Variants in NRXN3 observed in about 807,000 individuals in gnomAD.
The protein encoded by NRXN3 is neurexin III.
In NRXN3, 32 loss-of-function variants were observed where a neutral mutation model predicts 137.6. The ratio of observed to expected loss-of-function variants is 0.23; its 90% CI spans 0.18 to 0.31. NRXN3 has a LOEUF of 0.31. Among genes scored for constraint, NRXN3 ranks in the 10% least tolerant of loss-of-function variants. The probability of loss-of-function intolerance (pLI) is 1.00; values close to 1 mark genes in which losing one functional copy is unlikely to be tolerated. For missense variants in NRXN3, 1,574 were observed against 2,062.5 expected, an observed-to-expected ratio of 0.76 and a Z score of 4.59; for synonymous variants, 798 against 784.5, an observed-to-expected ratio of 1.02 and a Z score of -0.29.
chr14:78,731,741 T>C (rs569315380), intron 8 of NRXN3, among the ~76,000 whole-genome samples: 1 of 151,876 alleles, frequency 6.6e-6, no homozygotes, highest in South Asian at 2.1e-4. Flanking sequence ...ATATAACATG[T>C]TAATGTAATT....
chr14:78,445,418 G>A (rs756156082), intron 4 of NRXN3, among the ~76,000 whole-genome samples: 4 of 152,218 alleles, frequency 2.6e-5, no homozygotes, highest in Non-Finnish European at 5.9e-5. Flanking sequence ...TGCAGCCAGA[G>A]GGCCTGAAAA....
chr14:78,597,420 T>G (rs922226516), intron 4 of NRXN3, among the ~76,000 whole-genome samples: 1 of 152,246 alleles, frequency 6.6e-6, no homozygotes, highest in Non-Finnish European at 1.5e-5. Flanking sequence ...TTACAAAAAC[T>G]GAAGAATCTA....
intron 15 of NRXN3, among the ~76,000 whole-genome samples, chr14:78,991,723 G>T (rs571180304): frequency 6.6e-6 from 1 of 152,262 alleles, no homozygotes; most frequent in African/African-American, 2.4e-5. Flanking sequence ...GCATTTTAGG[G>T]TATTCCTTTT....
intron 15 of NRXN3, among the ~76,000 whole-genome samples, chr14:79,130,987 T>G (rs1265536292): frequency 5.3e-5 from 8 of 152,250 alleles, no homozygotes; most frequent in African/African-American, 1.9e-4. Flanking sequence ...CTGAGGCTTC[T>G]GCATTCTTCA....
chr14:79,729,356 AG>A (rs1303804129), intron 19 of NRXN3, among the ~76,000 whole-genome samples: 2 of 152,288 alleles, frequency 1.3e-5, no homozygotes, highest in East Asian at 3.9e-4. Flanking sequence ...GAGGAGAAAA[AG>A]AAAAGCATGC....
chr14:79,149,435 A>C (rs1392124623), intron 15 of NRXN3, among the ~76,000 whole-genome samples: 1 of 152,050 alleles, frequency 6.6e-6, no homozygotes, highest in South Asian at 2.1e-4. Flanking sequence ...AAGAAAATTG[A>C]TTGAAAGCAT....
chr14:79,796,925 C>T (rs1180542454), intron 19 of NRXN3, among the ~76,000 whole-genome samples: 1 of 152,112 alleles, frequency 6.6e-6, no homozygotes, highest in African/African-American at 2.4e-5. Context: ...GATTTTATAG[C>T]TAATGATTTG....
intron 6 of NRXN3, among the ~76,000 whole-genome samples, chr14:78,652,173 G>T (rs1566978247): frequency 6.6e-6 from 1 of 152,112 alleles, no homozygotes; most frequent in South Asian, 2.1e-4. Flanking sequence ...TGTTCCCAAG[G>T]GTCTCATAGT....
intron 4 of NRXN3, among the ~76,000 whole-genome samples, chr14:78,416,448 G>A (rs1175783520): frequency 1.3e-5 from 2 of 152,156 alleles, no homozygotes; most frequent in Non-Finnish European, 2.9e-5. Context: ...TGTGCCTTGG[G>A]TAAGGAGGGT....
chr14:79,178,787 C>T (rs1328983221), intron 15 of NRXN3, among the ~76,000 whole-genome samples: 1 of 152,180 alleles, frequency 6.6e-6, no homozygotes, highest in Non-Finnish European at 1.5e-5. Flanking sequence ...ATTTTGACTT[C>T]AGTACCATAC....
At chr14:79,664,080 A>G (rs1018318531) in intron 17 of NRXN3, 131 bp downstream of exon 17, 76 of 935,496 alleles carry the variant, frequency 8.1e-5, no homozygotes, top group Non-Finnish European at 6.5e-6. Flanking sequence ...ATTTTTTTGT[A>G]TGAGAAGATA....
At position 78,646,986 on chromosome 14, in the gene NRXN3, C is replaced by T. The variant is rs189347204; in HGVS notation, c.1059+1565C>T. Among the ~76,000 whole-genome samples the T allele has an allele frequency of 7.2e-5, 11 of 152,228 alleles. No homozygotes were observed. In the East Asian group the frequency reaches 1.4e-3, roughly 19 times the overall value. On this transcript the variant is annotated intron_variant, in intron 5 of 20. Transcript: ENST00000335750. ...TTTGATTGGCAGGTACAAAATAACACGCTTTAGGCATTAATCAGTGGAGGA... is the reference window on the plus strand; with the variant it reads ...TTTGATTGGCAGGTACAAAATAACATGCTTTAGGCATTAATCAGTGGAGGA...
chr14:78,451,747 A>G (rs797004980), intron 4 of NRXN3, among the ~76,000 whole-genome samples: 37 of 152,338 alleles, frequency 2.4e-4, no homozygotes, highest in African/African-American at 7.9e-4. Context: ...TTTAACCCAA[A>G]GATGGCAGCA....
chr14:78,675,899 T>G (rs2097999516), intron 6 of NRXN3, among the ~76,000 whole-genome samples: 2 of 145,954 alleles, frequency 1.4e-5, no homozygotes, highest in Non-Finnish European at 3.1e-5. Context: ...TTGGTAATTC[T>G]TGAAACTTAT....
At chr14:78,179,515 G>A (rs370821125) in intron 1 of NRXN3, among the ~76,000 whole-genome samples, 29 of 152,184 alleles carry the variant, frequency 1.9e-4, no homozygotes, top group Non-Finnish European at 3.2e-4. Context: ...AATGGGGAGC[G>A]GTTGAGAGGG....
chr14:78,289,040 C>T (rs2075497152), intron 3 of NRXN3, among the ~76,000 whole-genome samples: 1 of 152,126 alleles, frequency 6.6e-6, no homozygotes, highest in South Asian at 2.1e-4. Context: ...AAGGGCAAAA[C>T]CCAGAGGCTG....
intron 4 of NRXN3, among the ~76,000 whole-genome samples, chr14:78,311,922 C>T (rs1370823589): frequency 6.6e-6 from 1 of 152,076 alleles, no homozygotes; most frequent in Non-Finnish European, 1.5e-5. Flanking sequence ...TAGTCGATTC[C>T]ACTGTGATTT....
At chr14:79,368,980 T>A (rs560634016) in intron 15 of NRXN3, among the ~76,000 whole-genome samples, 16 of 152,326 alleles carry the variant, frequency 1.1e-4, no homozygotes, top group African/African-American at 3.8e-4. Context: ...ATTCAAACTA[T>A]CAGGTATGAA....
chr14:78,896,272 GA>G (rs1222270550), intron 10 of NRXN3, among the ~76,000 whole-genome samples: 1 of 151,856 alleles, frequency 6.6e-6, no homozygotes, highest in Non-Finnish European at 1.5e-5. Context: ...AAACTAATAT[GA>G]AATTATATAA....
Sources: allele counts gnomAD v4.1 joint callset (sites outside exome capture counted in the v4.1 genomes callset), GRCh38; gene constraint gnomAD v4.1.1; transcripts MANE v1.5; gene names NCBI Gene and HGNC (gene_info 2026-07-23, HGNC 2026-07-21).